Variants in SRSF4 observed in about 807,000 individuals in gnomAD.
SRSF4 encodes serine/arginine-rich splicing factor 4.
In SRSF4, 12 loss-of-function variants were observed where a neutral mutation model predicts 48.8. That is an observed-to-expected ratio of 0.25 (90% CI 0.16 to 0.40). The LOEUF (loss-of-function observed/expected upper bound fraction) is 0.40, where lower values mean the gene tolerates loss of function less well. Ranked by LOEUF, SRSF4 falls within the 10% of genes least tolerant of loss-of-function variation. The pLI is 1.00. For synonymous variants in SRSF4, 248 were observed against 232.5 expected (o/e 1.07, Z -0.61); for missense variants, 466 against 667.1 (o/e 0.70, Z 3.32).
At position 29,155,034 on chromosome 1, in the gene SRSF4, A is replaced by G. The variant is rs1672475920; in HGVS notation, c.364-124T>C. 5 of 874,948 alleles carry G rather than the reference A, an allele frequency of 5.7e-6. No homozygotes were observed. The South Asian group carries it at 8.9e-5, about 16-fold the overall frequency. The allele number at this position is 874,948 out of a possible 1,614,324, so 54.2% of individuals were successfully genotyped here. A position where few individuals can be genotyped will look rare whatever the true frequency, so the allele number is the denominator to read the frequency against. On this transcript the variant is annotated intron_variant, in intron 3 of 5. Coordinates refer to ENST00000373795, the MANE Select transcript of SRSF4 (RefSeq NM_005626.5). ...TCCGCAGAATAAAGTTTACTCTTAAATATTTTCATCTACCCATCAATCATG... is the reference window on the plus strand; with the variant it reads ...TCCGCAGAATAAAGTTTACTCTTAAGTATTTTCATCTACCCATCAATCATG...
In SRSF4 at chr1:29,149,659, C is replaced by T. The variant is rs549297677; in HGVS notation, c.669-433G>A. ...TCGCGCCACTGCACTCCAGATTGGG[C>T]GACAGAGCGAGACTCTGTCTTGAGG... On this transcript the variant is annotated intron_variant, in intron 5 of 5. Coordinates refer to ENST00000373795, the MANE Select transcript of SRSF4 (RefSeq NM_005626.5). 6.1e-5 allele frequency among the ~76,000 whole-genome samples: 8 copies of T among 132,180 alleles called. No individual in the cohort carries two copies. The East Asian group carries it at 1.5e-3, about 24-fold the overall frequency. 86.7% of individuals were successfully genotyped at this position (132,180 alleles called of 152,430 possible).
Position 29,148,441 on chromosome 1 carries a change from C to A in SRSF4, c.1454G>T (p.Arg485Leu), listed in dbSNP as rs371507819. 2 of 1,607,636 alleles carry A rather than the reference C, an allele frequency of 1.2e-6. No individual in the cohort carries two copies. The highest frequency in any genetic ancestry group is 1.1e-5 in the South Asian group (1 of 89,846). The change falls in exon 6 of 6, where the codon CGA (arginine) becomes CTA (leucine). Residue 485 changes from arginine (R) to leucine (L), a missense_variant. Arg to Leu is a moderately radical substitution (Grantham distance 102). Coordinates refer to ENST00000373795, the MANE Select transcript of SRSF4 (RefSeq NM_005626.5). ...CCTTGAGTGGGACCTAGATCTAGAT[C>A]GGGAGGGCGATCTGGAAGCAGACCT... ...RSRSASRSPS[R>L]SRSRSHSRS is the part of the protein sequence containing the mutation.
intron 1 of SRSF4, among the ~76,000 whole-genome samples, chr1:29,173,937 C>T (rs2428559): frequency 0.68 from 103,508 of 151,206 alleles, 36,947 homozygotes; most frequent in Non-Finnish European, 0.79. Context: ...GCCTGTAATC[C>T]CAGCACTTTG....
chr1:29,151,886 C>A (rs1672416342), intron 4 of SRSF4, among the ~76,000 whole-genome samples: 2 of 152,144 alleles, frequency 1.3e-5, no homozygotes, highest in African/African-American at 4.8e-5. Flanking sequence ...AGAGAAAAGG[C>A]AAAATGCTAT....
chr1:29,159,758 A>C, intron 2 of SRSF4: 1 of 261,920 alleles, frequency 3.8e-6, no homozygotes, highest in Non-Finnish European at 7.2e-6. Flanking sequence ...ACAATTTAAC[A>C]ATTTAGAAAT....
At chr1:29,170,355 T>A (rs1013628219) in intron 1 of SRSF4, 1 of 152,168 alleles carries the variant, frequency 6.6e-6, no homozygotes, top group African/African-American at 2.4e-5. Flanking sequence ...GAAATAAAGG[T>A]TTACACTCTG....
At position 29,150,114 on chromosome 1, in the gene SRSF4, T is replaced by G. The variant is rs1672385147; in HGVS notation, c.657A>C (p.Arg219Ser). 1 of 1,613,852 alleles carries G rather than the reference T, an allele frequency of 6.2e-7. No homozygotes were observed. Among genetic ancestry groups the G allele is most frequent in the Non-Finnish European group, 8.5e-7 (1 of 1,179,886 alleles). The change falls in exon 5 of 6, where the codon AGA (arginine) becomes AGC (serine). Residue 219 changes from arginine (R) to serine (S), a missense_variant. Physicochemically the swap from Arg to Ser is moderately radical, Grantham distance 110. Transcript: ENST00000373795. Reference protein sequence around the residue: ...GSSKSSHSKSRSRSRSGSRSR... With the variant: ...GSSKSSHSKSSSRSRSGSRSR... Reference sequence around the variant, plus strand: ...CATGGAAGACATACCTGGACCGAGATCTACTCTTAGAATGACTGCTTTTGC... The same window carrying G: ...CATGGAAGACATACCTGGACCGAGAGCTACTCTTAGAATGACTGCTTTTGC...
chr1:29,150,003 G>T, intron 5 of SRSF4, 100 bp downstream of exon 5: 2 of 975,300 alleles, frequency 2.1e-6, no homozygotes, highest in Non-Finnish European at 3.2e-6. Flanking sequence ...ACTCCAGCTT[G>T]GGTGACAGAG....
chr1:29,152,782 G>T (rs997011355), intron 4 of SRSF4, among the ~76,000 whole-genome samples: 19 of 152,034 alleles, frequency 1.2e-4, no homozygotes, highest in African/African-American at 4.6e-4. Context: ...AGCCAGGCAT[G>T]GTGGTGTGCA....
chr1:29,152,740 GA>G (rs1672432700), intron 4 of SRSF4, among the ~76,000 whole-genome samples: 1 of 152,016 alleles, frequency 6.6e-6, no homozygotes, highest in Admixed American at 6.6e-5. Flanking sequence ...CCAACATGGT[GA>G]AACTCTGTCT....
At chr1:29,162,044 C>T (rs984386861) in intron 1 of SRSF4, among the ~76,000 whole-genome samples, 1 of 152,060 alleles carries the variant, frequency 6.6e-6, no homozygotes, top group African/African-American at 2.4e-5. Flanking sequence ...TAGGTAACAA[C>T]GTTGGAGGGT....
intron 1 of SRSF4, among the ~76,000 whole-genome samples, chr1:29,181,398 G>A (rs1370393086): frequency 1.3e-5 from 2 of 152,174 alleles, no homozygotes; most frequent in Admixed American, 6.5e-5. Flanking sequence ...CCCCACTCGG[G>A]CTTTCCTTCT....
At chr1:29,149,276 C>A (rs751552210) in intron 5 of SRSF4, 50 bp from the exon 6 acceptor site, 4 of 1,581,532 alleles carry the variant, frequency 2.5e-6, no homozygotes, top group Non-Finnish European at 3.4e-6. Context: ...TCATGCTAAT[C>A]AGGAGATAAA....
chr1:29,148,779 GCTGCGGCTGCGACTGCGA>G lies in SRSF4; in HGVS notation c.1098_1115del (p.Arg367_Ser372del). ...CTCGCTTTCTGCTCCTCTCACTCTT[GCTGCGGCTGCGACTGCGA>G]CTGCGGCTCTCCTCTCTGCTTCTCT... On this transcript the variant is annotated inframe_deletion, in exon 6 of 6. Coordinates refer to ENST00000373795, the MANE Select transcript of SRSF4 (RefSeq NM_005626.5). 1 of 1,613,314 alleles carries G rather than the reference GCTGCGGCTGCGACTGCGA, an allele frequency of 6.2e-7. No homozygotes were observed. Among genetic ancestry groups the G allele is most frequent in the Non-Finnish European group, 8.5e-7 (1 of 1,179,732 alleles).
At position 29,148,119 on chromosome 1, in the gene SRSF4, G is replaced by A; in HGVS notation, c.*291C>T. 3.5e-6 allele frequency: 2 copies of A among 567,428 alleles called. No homozygotes were observed. The highest frequency in any genetic ancestry group is 6.7e-6 in the Non-Finnish European group (2 of 300,162). The allele number at this position is 567,428 out of a possible 1,614,324, so 35.1% of individuals were successfully genotyped here. On this transcript the variant is annotated 3_prime_UTR_variant, in exon 6 of 6. Transcript: ENST00000373795. Reference sequence around the variant, plus strand: ...CAGCCTTAGAGCCGTCCAGGTTACTGAGCTCCCTGTAGGAAAGGCCAGGCC... The same window carrying A: ...CAGCCTTAGAGCCGTCCAGGTTACTAAGCTCCCTGTAGGAAAGGCCAGGCC...
chr1:29,174,781 C>A (rs532471038), intron 1 of SRSF4, among the ~76,000 whole-genome samples: 1 of 148,922 alleles, frequency 6.7e-6, no homozygotes, highest in South Asian at 2.1e-4. Flanking sequence ...TCAAGCAATT[C>A]TCCTGCCTCA....
rs372079861 is a variant in SRSF4 at position 29,150,129 on chromosome 1, A to T, written c.642T>A (p.Ser214Arg). The stretch of plus-strand genomic sequence containing the variant: ...TGGACCGAGATCTACTCTTAGAATG[A>T]CTGCTTTTGCTGCTGCCACTTCGGC... ...SRSRSGSSKS[S>R]HSKSRSRSRS... Residue 214 changes from serine to arginine, a missense_variant, in exon 5 of 6, where the codon AGT becomes AGA. Physicochemically the swap from Ser to Arg is moderately radical, Grantham distance 110. This residue lies in a region of SRSF4 where 402 missense variants were observed against 437.0 expected (regional missense o/e 0.92). Coordinates refer to ENST00000373795, the MANE Select transcript of SRSF4 (RefSeq NM_005626.5). 60 of 1,613,856 alleles carry T rather than the reference A, an allele frequency of 3.7e-5. No homozygotes were observed. The highest frequency in any genetic ancestry group is 4.8e-5 in the Non-Finnish European group (57 of 1,179,970).
At chr1:29,153,923 G>A (rs1331707258) in intron 4 of SRSF4, among the ~76,000 whole-genome samples, 1 of 151,614 alleles carries the variant, frequency 6.6e-6, no homozygotes, top group Admixed American at 6.6e-5. Flanking sequence ...TTTTGAGATG[G>A]AGTCTCCCTG....
chr1:29,164,478 T>G (rs1438070576), intron 1 of SRSF4, among the ~76,000 whole-genome samples: 1 of 152,216 alleles, frequency 6.6e-6, no homozygotes, highest in African/African-American at 2.4e-5. Context: ...TAAAAAGGAA[T>G]ATAAAATACA....
Sources: allele counts gnomAD v4.1 joint callset (sites outside exome capture counted in the v4.1 genomes callset), GRCh38; gene constraint gnomAD v4.1.1; regional missense constraint gnomAD v4.1.1; transcripts MANE v1.5; gene names NCBI Gene and HGNC (gene_info 2026-07-23, HGNC 2026-07-21).